Variants in DLGAP1 observed in about 807,000 individuals in gnomAD.
The protein encoded by DLGAP1 is disks large-associated protein 1.
DLGAP1 carries 11 observed loss-of-function variants against 90.8 expected under a neutral mutation model. The observed-to-expected ratio is 0.12, with a 90% CI of 0.08 to 0.20. DLGAP1 has a LOEUF of 0.20. Among genes scored for constraint, DLGAP1 ranks in the 10% least tolerant of loss-of-function variants. The probability of loss-of-function intolerance (pLI) is 1.00; values close to 1 mark genes in which losing one functional copy is unlikely to be tolerated. For synonymous variants in DLGAP1, 558 were observed against 540.7 expected (o/e 1.03, Z -0.44); for missense variants, 1,050 against 1,333.8 (o/e 0.79, Z 3.31).
intron 5 of DLGAP1, among the ~76,000 whole-genome samples, chr18:3,761,623 T>G (rs1384354091): frequency 1.3e-5 from 2 of 151,986 alleles, no homozygotes; most frequent in African/African-American, 4.8e-5. Flanking sequence ...TTGCCCAGGC[T>G]GGAGTGCAGT....
At chr18:3,946,265 T>C (rs1320213272) in intron 3 of DLGAP1, among the ~76,000 whole-genome samples, 4 of 152,188 alleles carry the variant, frequency 2.6e-5, no homozygotes, top group Admixed American at 1.3e-4. Context: ...TTTCCTCTGA[T>C]CCATGAATGG....
intron 7 of DLGAP1, among the ~76,000 whole-genome samples, chr18:3,710,364 C>A (rs942333785): frequency 6.6e-5 from 10 of 152,164 alleles, no homozygotes; most frequent in African/African-American, 2.4e-4. Context: ...CGCCCTTTCT[C>A]CTCCACACCC....
chr18:3,760,152 T>C (rs979438678), intron 5 of DLGAP1, among the ~76,000 whole-genome samples: 3 of 152,180 alleles, frequency 2.0e-5, no homozygotes, highest in African/African-American at 4.8e-5. Context: ...GGCCTCCTTA[T>C]ATGTTTGTTA....
intron 3 of DLGAP1, among the ~76,000 whole-genome samples, chr18:3,962,198 T>C (rs1241754776): frequency 6.6e-6 from 1 of 152,228 alleles, no homozygotes; most frequent in African/African-American, 2.4e-5. Flanking sequence ...CTGCAGTCCT[T>C]CTTTTTTGGA....
chr18:3,813,041 C>T (rs1288159960), intron 5 of DLGAP1, among the ~76,000 whole-genome samples: 1 of 152,158 alleles, frequency 6.6e-6, no homozygotes, highest in African/African-American at 2.4e-5. Flanking sequence ...TCTCTATAAA[C>T]AGCATTTAGA....
At chr18:3,544,778 G>A (rs1013008138) in intron 9 of DLGAP1, among the ~76,000 whole-genome samples, 5 of 149,998 alleles carry the variant, frequency 3.3e-5, no homozygotes, top group Admixed American at 2.7e-4. Flanking sequence ...TGGCACTGTC[G>A]CTTAGGCTGG....
intron 1 of DLGAP1, among the ~76,000 whole-genome samples, chr18:4,433,725 A>G (rs893556570): frequency 1.3e-5 from 2 of 152,182 alleles, no homozygotes; most frequent in Non-Finnish European, 2.9e-5. Flanking sequence ...AATGCATTTT[A>G]TCTGTTAGAG....
At chr18:4,449,055 A>G (rs1275315804) in intron 1 of DLGAP1, among the ~76,000 whole-genome samples, 1 of 152,210 alleles carries the variant, frequency 6.6e-6, no homozygotes, top group Non-Finnish European at 1.5e-5. Flanking sequence ...GGAGACAGGC[A>G]TATACGCAGA....
At chr18:4,148,548 G>C (rs2076623384) in intron 2 of DLGAP1, among the ~76,000 whole-genome samples, 1 of 152,096 alleles carries the variant, frequency 6.6e-6, no homozygotes, top group Non-Finnish European at 1.5e-5. Context: ...TATTCAGGAG[G>C]ATGTCCAGCC....
intron 5 of DLGAP1, among the ~76,000 whole-genome samples, chr18:3,744,763 CT>C (rs1475510475): frequency 2.6e-5 from 4 of 152,176 alleles, no homozygotes; most frequent in African/African-American, 9.7e-5. Flanking sequence ...CCCGGCTGGT[CT>C]CAGACTCCTG....
intron 3 of DLGAP1, among the ~76,000 whole-genome samples, chr18:3,979,287 C>T (rs539618256): frequency 6.6e-6 from 1 of 152,316 alleles, no homozygotes; most frequent in African/African-American, 2.4e-5. Context: ...TGGTGTTACA[C>T]CTGCCTACAG....
intron 3 of DLGAP1, among the ~76,000 whole-genome samples, chr18:3,957,586 C>T (rs1347784510): frequency 6.6e-6 from 1 of 152,092 alleles, no homozygotes; most frequent in Admixed American, 6.6e-5. Flanking sequence ...AATATCCACA[C>T]TACTAATCCC....
chr18:4,357,483 G>GT (rs932161689), intron 1 of DLGAP1, among the ~76,000 whole-genome samples: 2 of 152,100 alleles, frequency 1.3e-5, no homozygotes, highest in African/African-American at 2.4e-5. Flanking sequence ...ATTTTTGTCT[G>GT]TTTTTTCACT....
intron 9 of DLGAP1, among the ~76,000 whole-genome samples, chr18:3,534,904 T>C (rs938997264): frequency 3.8e-4 from 58 of 151,976 alleles, no homozygotes; most frequent in African/African-American, 1.4e-3. Flanking sequence ...GTTGAACAGG[T>C]GGGTCTCGAA....
At chr18:3,535,694 T>C (rs1289284029) in intron 9 of DLGAP1, among the ~76,000 whole-genome samples, 6 of 136,968 alleles carry the variant, frequency 4.4e-5, no homozygotes, top group South Asian at 2.3e-4. Context: ...GGTGACAGAG[T>C]GAGATTCTGT....
intron 3 of DLGAP1, among the ~76,000 whole-genome samples, chr18:3,997,637 A>G (rs2074096796): frequency 6.6e-6 from 1 of 152,142 alleles, no homozygotes; most frequent in Non-Finnish European, 1.5e-5. Context: ...AGCACCATAC[A>G]ATAGAAATAT....
chr18:4,275,702 T>C (rs2079396519), intron 1 of DLGAP1, among the ~76,000 whole-genome samples: 1 of 152,158 alleles, frequency 6.6e-6, no homozygotes, highest in Non-Finnish European at 1.5e-5. Context: ...CTAACTATTG[T>C]GCTAGTCATA....
chr18:3,580,716 C>T, intron 8 of DLGAP1: 1 of 1,613,882 alleles, frequency 6.2e-7, no homozygotes, highest in Non-Finnish European at 8.5e-7. Context: ...CAACCACAGG[C>T]CTCTCAGGAC....
intron 2 of DLGAP1, among the ~76,000 whole-genome samples, chr18:4,057,860 C>T (rs1345877298): frequency 6.6e-6 from 1 of 152,156 alleles, no homozygotes; most frequent in Non-Finnish European, 1.5e-5. Context: ...TGTTCAACCC[C>T]TGTACATGAT....
Sources: allele counts gnomAD v4.1 joint callset (sites outside exome capture counted in the v4.1 genomes callset), GRCh38; gene constraint gnomAD v4.1.1; transcripts MANE v1.5; gene names NCBI Gene and HGNC (gene_info 2026-07-23, HGNC 2026-07-21).